The following SPMIP11 variants were observed in gnomAD, a reference collection of about 807,000 sequenced individuals.
SPMIP11 encodes the protein long intergenic non-protein coding RNA 935.
At chr12:48,745,098 G>C in the SPMIP11 span, among the ~76,000 whole-genome samples, 3 of 151,902 alleles carry the variant, frequency 2.0e-5, no homozygotes, top group Non-Finnish European at 4.4e-5. Context: ...GTGAAACCCC[G>C]TCTCTACTAA....
the SPMIP11 span, among the ~76,000 whole-genome samples, chr12:48,729,137 C>T: frequency 6.6e-6 from 1 of 152,228 alleles, no homozygotes; most frequent in African/African-American, 2.4e-5. Context: ...CACTGCGGCT[C>T]ACGCCTGTAA....
the SPMIP11 span, among the ~76,000 whole-genome samples, chr12:48,757,348 T>G: frequency 1.3e-5 from 2 of 151,894 alleles, no homozygotes; most frequent in Non-Finnish European, 2.9e-5. Context: ...AGAATATGAA[T>G]GTATTAAAAA....
the SPMIP11 span, among the ~76,000 whole-genome samples, chr12:48,769,766 T>G: frequency 1.1e-4 from 17 of 150,054 alleles, no homozygotes; most frequent in South Asian, 1.7e-3. Flanking sequence ...TTTGTTTTTT[T>G]TTTTTTTTTG....
chr12:48,769,132 G>A, the SPMIP11 span: 1 of 1,403,710 alleles, frequency 7.1e-7, no homozygotes, highest in Non-Finnish European at 9.4e-7. Flanking sequence ...CCCACCTCCT[G>A]GCACTGGTAG....
the SPMIP11 span, among the ~76,000 whole-genome samples, chr12:48,770,531 A>G: frequency 6.6e-6 from 1 of 152,210 alleles, no homozygotes; most frequent in Non-Finnish European, 1.5e-5. Flanking sequence ...TCTGAGAGTC[A>G]GTCTCTATCC....
At chr12:48,763,105 AT>A in the SPMIP11 span, among the ~76,000 whole-genome samples, 7 of 152,228 alleles carry the variant, frequency 4.6e-5, no homozygotes, top group African/African-American at 1.7e-4. Context: ...ACTTTCAGAA[AT>A]CAAAACAGGC....
the SPMIP11 span, among the ~76,000 whole-genome samples, chr12:48,736,758 T>C: frequency 0.014 from 2,058 of 152,018 alleles, 46 homozygotes; most frequent in African/African-American, 0.047. Context: ...AGAAGCTTTA[T>C]AAGAATGCAT....
the SPMIP11 span, among the ~76,000 whole-genome samples, chr12:48,734,421 T>G: frequency 6.6e-6 from 1 of 152,042 alleles, no homozygotes; most frequent in Admixed American, 6.6e-5. Flanking sequence ...TCATTCTGGG[T>G]TTTATATATT....
the SPMIP11 span, chr12:48,769,194 A>G: frequency 1.7e-5 from 17 of 1,009,972 alleles, no homozygotes; most frequent in Non-Finnish European, 2.3e-5. Context: ...GTTGTAAAGA[A>G]CAATCTAGTT....
chr12:48,735,524 G>T, the SPMIP11 span, among the ~76,000 whole-genome samples: 303 of 152,188 alleles, frequency 2.0e-3, 2 homozygotes, highest in Non-Finnish European at 3.6e-3. Flanking sequence ...AGCAGAGGTT[G>T]CAGTGAGCTG....
At chr12:48,752,823 G>A in the SPMIP11 span, among the ~76,000 whole-genome samples, 5 of 151,662 alleles carry the variant, frequency 3.3e-5, no homozygotes, top group African/African-American at 1.2e-4. Context: ...AGGCACATGC[G>A]ACCACACCCA....
the SPMIP11 span, chr12:48,771,122 A>G: frequency 1.3e-6 from 1 of 775,282 alleles, no homozygotes; most frequent in Non-Finnish European, 2.0e-6. The surrounding 1 kb of genome is among the most constrained non-coding windows in gnomAD (Gnocchi z 4.3). Context: ...AAGACTGAGG[A>G]GCTGGGAAAA....
At chr12:48,758,583 G>C in the SPMIP11 span, among the ~76,000 whole-genome samples, 1 of 152,220 alleles carries the variant, frequency 6.6e-6, no homozygotes, top group Non-Finnish European at 1.5e-5. Context: ...TCTATTGTGA[G>C]ATACAGGTTT....
At chr12:48,737,366 T>C in the SPMIP11 span, among the ~76,000 whole-genome samples, 1 of 152,070 alleles carries the variant, frequency 6.6e-6, no homozygotes, top group Middle Eastern at 3.2e-3. Context: ...GCTCTTTCAT[T>C]CTGGAAATTT....
chr12:48,769,215 C>G, the SPMIP11 span, among the ~76,000 whole-genome samples: 11 of 151,996 alleles, frequency 7.2e-5, no homozygotes, highest in African/African-American at 2.7e-4. Context: ...CAAGACGAGC[C>G]TGGCCAACAT....
the SPMIP11 span, among the ~76,000 whole-genome samples, chr12:48,738,354 A>G: frequency 6.6e-6 from 1 of 152,118 alleles, no homozygotes; most frequent in Non-Finnish European, 1.5e-5. Flanking sequence ...ACAGGATGTC[A>G]GCAGGGGCTG....
the SPMIP11 span, chr12:48,766,530 T>A: frequency 7.9e-5 from 12 of 152,670 alleles, no homozygotes; most frequent in African/African-American, 2.9e-4. Context: ...TCTCTTCCTA[T>A]CCCTTCCTAT....
chr12:48,737,616 T>C, the SPMIP11 span, among the ~76,000 whole-genome samples: 20 of 151,978 alleles, frequency 1.3e-4, no homozygotes, highest in East Asian at 3.1e-3. Flanking sequence ...GGTTTCTCCA[T>C]GTTGGCCAGG....
At chr12:48,755,516 C>A in the SPMIP11 span, among the ~76,000 whole-genome samples, 256 of 152,262 alleles carry the variant, frequency 1.7e-3, no homozygotes, top group Non-Finnish European at 2.9e-3. Context: ...ACCCCAGGTA[C>A]CTTCCAAACC....
Sources: allele counts gnomAD v4.1 joint callset (sites outside exome capture counted in the v4.1 genomes callset), GRCh38; gene constraint gnomAD v4.1.1; non-coding constraint Gnocchi (gnomAD v3.1); transcripts MANE v1.5; gene names NCBI Gene and HGNC (gene_info 2026-07-23, HGNC 2026-07-21).